Variants in ARHGAP44 observed in about 807,000 individuals in gnomAD.
ARHGAP44 encodes Rho GTPase activating protein 44.
A neutral mutation model predicts 106.8 loss-of-function variants in ARHGAP44; 43 were observed. That is an observed-to-expected ratio of 0.40 (90% CI 0.32 to 0.52). The LOEUF (loss-of-function observed/expected upper bound fraction) is 0.52. ARHGAP44 is among the 20% of genes least tolerant of loss of function. The pLI is 0.48. For synonymous variants in ARHGAP44, 439 were observed against 410.3 expected (o/e 1.07, Z -0.85); for missense variants, 866 against 1,050.5 (o/e 0.82, Z 2.43).
intron 1 of ARHGAP44, among the ~76,000 whole-genome samples, chr17:12,890,126 C>G (rs1001871462): frequency 1.3e-5 from 2 of 152,078 alleles, no homozygotes; most frequent in East Asian, 3.9e-4. Flanking sequence ...CATGGCTCCA[C>G]TAGGCATTGC....
At position 12,789,703 on chromosome 17, in the gene ARHGAP44, A is replaced by T. The variant is rs2033669930; in HGVS notation, c.-136A>T. The T allele has an allele frequency of 1.4e-6, 1 of 696,974 alleles. No homozygotes were observed. 43.2% of individuals were successfully genotyped at this position (696,974 alleles called of 1,614,324 possible). On this transcript the variant is annotated 5_prime_UTR_variant, in exon 1 of 21. Transcript: ENST00000379672. The stretch of plus-strand genomic sequence containing the variant: ...CTCGGGAGGGAGCTGCGCGCGGGCC[A>T]GACGGCGCCCGGAGGCTCCGCAGTG...
intron 1 of ARHGAP44, among the ~76,000 whole-genome samples, chr17:12,849,535 GC>G (rs1272099538): frequency 6.8e-6 from 1 of 146,446 alleles, no homozygotes; most frequent in East Asian, 2.0e-4. Context: ...TGACATTAGT[GC>G]AGCAACCTAG....
intron 1 of ARHGAP44, among the ~76,000 whole-genome samples, chr17:12,846,731 A>G (rs2035581146): frequency 6.6e-6 from 1 of 152,246 alleles, no homozygotes; most frequent in African/African-American, 2.4e-5. Flanking sequence ...ACGTAAATAT[A>G]TGAGCAAAAA....
At chr17:12,886,146 A>G (rs553237413) in intron 1 of ARHGAP44, among the ~76,000 whole-genome samples, 11 of 152,060 alleles carry the variant, frequency 7.2e-5, no homozygotes, top group Admixed American at 2.6e-4. Flanking sequence ...CACTGATCAT[A>G]TTTGTCTAGG....
intron 16 of ARHGAP44, among the ~76,000 whole-genome samples, chr17:12,963,476 A>G (rs934087040): frequency 1.3e-5 from 2 of 151,916 alleles, no homozygotes; most frequent in Non-Finnish European, 2.9e-5. Context: ...CACAGCTCCA[A>G]GCTCTGAGAA....
At chr17:12,829,914 G>T (rs1377318331) in intron 1 of ARHGAP44, among the ~76,000 whole-genome samples, 2 of 152,190 alleles carry the variant, frequency 1.3e-5, no homozygotes, top group African/African-American at 2.4e-5. Context: ...CAGGGTCAGA[G>T]ATTTTAATCT....
chr17:12,904,165 G>T (rs2037477005), intron 3 of ARHGAP44, among the ~76,000 whole-genome samples: 1 of 152,080 alleles, frequency 6.6e-6, no homozygotes, highest in Non-Finnish European at 1.5e-5. Flanking sequence ...GGAGTGCAGT[G>T]GTGCCATCTC....
At chr17:12,973,363 C>A in intron 17 of ARHGAP44, 44 bp downstream of exon 17, 1 of 1,586,796 alleles carries the variant, frequency 6.3e-7, no homozygotes. Flanking sequence ...TCAGTCTCTT[C>A]AACTGAGCCA....
At chr17:12,912,872 T>C (rs550638969) in intron 4 of ARHGAP44, among the ~76,000 whole-genome samples, 1 of 152,278 alleles carries the variant, frequency 6.6e-6, no homozygotes, top group African/African-American at 2.4e-5. Flanking sequence ...GCCTCAGAAA[T>C]TGACTTCCCA....
intron 10 of ARHGAP44, among the ~76,000 whole-genome samples, chr17:12,946,614 C>G (rs2143037190): frequency 6.6e-6 from 1 of 152,158 alleles, no homozygotes; most frequent in Admixed American, 6.5e-5. Context: ...GCCTGGCCAA[C>G]ATGGTGAAAC....
intron 1 of ARHGAP44, among the ~76,000 whole-genome samples, chr17:12,860,235 T>C (rs574961993): frequency 6.6e-6 from 1 of 152,332 alleles, no homozygotes; most frequent in Non-Finnish European, 1.5e-5. Context: ...ATTATCCAGC[T>C]GTTCAGTTTT....
At chr17:12,930,400 A>AT (rs1257912437) in intron 7 of ARHGAP44, among the ~76,000 whole-genome samples, 7 of 151,434 alleles carry the variant, frequency 4.6e-5, no homozygotes, top group East Asian at 2.0e-4. Context: ...CGCTTGGCTA[A>AT]TTTTTTTTGT....
At position 12,838,794 on chromosome 17, in the gene ARHGAP44, T is replaced by C. The variant is rs145739305; in HGVS notation, c.53+48903T>C. ...TCAAGCGATTCTCCTGCCTCAGTCT[T>C]CCGAGTAGCTGGGATTACAGACACC... On this transcript the variant is annotated intron_variant, in intron 1 of 20. Coordinates refer to ENST00000379672, the MANE Select transcript of ARHGAP44 (RefSeq NM_014859.6). Among the ~76,000 whole-genome samples, 460 of 152,118 alleles carry C rather than the reference T, an allele frequency of 3.0e-3. 5 individuals carry two copies. The highest frequency in any genetic ancestry group is 0.014 in the Middle Eastern group (4 of 294).
chr17:12,801,653 C>A (rs1217292152), intron 1 of ARHGAP44, among the ~76,000 whole-genome samples: 1 of 149,896 alleles, frequency 6.7e-6, no homozygotes, highest in African/African-American at 2.5e-5. Flanking sequence ...CAAAAAATGT[C>A]TAAGGGCCGA....
rs2039282673 is a variant in ARHGAP44, at chr17:12,962,311, C to T, written c.1523+3414C>T. 2.0e-5 allele frequency among the ~76,000 whole-genome samples: 3 copies of T among 152,082 alleles called. No homozygotes were observed. In the South Asian group the frequency reaches 6.2e-4, roughly 31 times the overall value. ...GATGCCTTTCTGATTTGAAATGATG[C>T]AGGAAGCTGGGTTTCTTTAGCAGGG... On this transcript the variant is annotated intron_variant, in intron 16 of 20. Transcript: ENST00000379672.
intron 16 of ARHGAP44, among the ~76,000 whole-genome samples, chr17:12,969,981 G>A (rs575641659): frequency 1.3e-5 from 2 of 152,062 alleles, no homozygotes; most frequent in African/African-American, 4.8e-5. Context: ...AAATACCCAC[G>A]TTTCCATTAT....
At chr17:12,938,907 G>A (rs901516048) in intron 7 of ARHGAP44, among the ~76,000 whole-genome samples, 3 of 152,086 alleles carry the variant, frequency 2.0e-5, no homozygotes, top group Non-Finnish European at 2.9e-5. Context: ...ATAGATTTTT[G>A]TAGGGTCATC....
At chr17:12,968,700 GTCC>G (rs1567714837) in intron 16 of ARHGAP44, among the ~76,000 whole-genome samples, 1 of 151,544 alleles carries the variant, frequency 6.6e-6, no homozygotes, top group Non-Finnish European at 1.5e-5. Flanking sequence ...ATAAACTCCA[GTCC>G]TCATTTTTTT....
At position 12,958,992 on chromosome 17, in the gene ARHGAP44, T is replaced by C. The variant is rs11868628; in HGVS notation, c.1523+95T>C. ...AAGAAAAATACAATTACGGGAAGGC[T>C]GCACTGACTCTCAGCAGTTTAGGTG... On this transcript the variant is annotated intron_variant, in intron 16 of 20. Coordinates refer to ENST00000379672, the MANE Select transcript of ARHGAP44 (RefSeq NM_014859.6). This position sits in a 1 kb window ranked among gnomAD's most constrained non-coding sequence, Gnocchi z 4.1. The C allele has an allele frequency of 0.13, 180,482 of 1,388,946 alleles. 12,829 individuals are homozygous for C. Among genetic ancestry groups the C allele is most frequent in the South Asian group, 0.2 (15,930 of 80,250 alleles). The allele number at this position is 1,388,946 out of a possible 1,614,324, so 86.0% of individuals were successfully genotyped here.
Sources: gnomAD v4.1 joint callset for allele counts (sites outside exome capture counted in the v4.1 genomes callset) on GRCh38, gnomAD v4.1.1 for gene constraint, Gnocchi (gnomAD v3.1) non-coding constraint, MANE v1.5 for transcripts, NCBI Gene and HGNC (gene_info 2026-07-23, HGNC 2026-07-21) for gene names.